Variants in ARSK observed in about 807,000 individuals in gnomAD.
ARSK encodes the protein arylsulfatase family member K.
ARSK carries 37 observed loss-of-function variants against 53.2 expected under a neutral mutation model. The observed-to-expected ratio is 0.70, with a 90% CI of 0.54 to 0.92. The LOEUF is 0.92. Ranked by LOEUF, ARSK falls within the 40% of genes least tolerant of loss-of-function variation. ARSK has a pLI of 0.00. For synonymous variants in ARSK, 208 were observed against 223.2 expected, an observed-to-expected ratio of 0.93 and a Z score of 0.61; for missense variants, 613 against 643.0, an observed-to-expected ratio of 0.95 and a Z score of 0.51.
chr5:95,559,764 A>AT (rs1748595019), intron 1 of ARSK, among the ~76,000 whole-genome samples: 3 of 152,210 alleles, frequency 2.0e-5, no homozygotes, highest in Non-Finnish European at 2.9e-5. Flanking sequence ...GAAAAAAAAA[A>AT]TCAGTTTTCT....
intron 2 of ARSK, among the ~76,000 whole-genome samples, chr5:95,566,956 T>C (rs1748735430): frequency 6.6e-6 from 1 of 152,226 alleles, no homozygotes; most frequent in Non-Finnish European, 1.5e-5. Flanking sequence ...TTGTAAATGA[T>C]ATTTCAATAA....
chr5:95,572,429 A>G (rs1748848162), intron 3 of ARSK, among the ~76,000 whole-genome samples: 1 of 152,192 alleles, frequency 6.6e-6, no homozygotes, highest in South Asian at 2.1e-4. Flanking sequence ...TTCACATTAT[A>G]TGTATTGTGT....
At chr5:95,585,773 T>C (rs929665356) in intron 4 of ARSK, among the ~76,000 whole-genome samples, 4 of 152,100 alleles carry the variant, frequency 2.6e-5, no homozygotes, top group East Asian at 3.8e-4. Flanking sequence ...AAAGAACTTA[T>C]TCATGCAACC....
rs184427789 is a variant in ARSK, at chr5:95,558,889, C to G, written c.126+3485C>G. On this transcript the variant is annotated intron_variant, in intron 1 of 7. Transcript: ENST00000380009. ...GGCGCGGTGGCTCACACCTGTAATC[C>G]CAGCACTTTGGGAGACCGAGGTGGG... is the stretch of plus-strand genomic sequence containing the variant. 9.2e-3 allele frequency among the ~76,000 whole-genome samples: 1,402 copies of G among 152,252 alleles called. 21 individuals carry two copies. Among genetic ancestry groups the G allele is most frequent in the African/African-American group, 0.032 (1,334 of 41,532 alleles).
chr5:95,601,197 G>A (rs932387761), intron 7 of ARSK, 126 bp downstream of exon 7: 38 of 956,526 alleles, frequency 4.0e-5, no homozygotes, highest in Middle Eastern at 3.2e-4. Flanking sequence ...ATGCTAGGAC[G>A]ATCTACAAAA....
chr5:95,589,016 A>C (rs1160783949), intron 5 of ARSK, among the ~76,000 whole-genome samples: 1 of 151,886 alleles, frequency 6.6e-6, no homozygotes, highest in Non-Finnish European at 1.5e-5. Context: ...TTCCCACCTC[A>C]AGGTCTTATA....
intron 6 of ARSK, among the ~76,000 whole-genome samples, chr5:95,597,914 G>GGC (rs1749341342): frequency 8.1e-6 from 1 of 124,084 alleles, no homozygotes; most frequent in South Asian, 2.8e-4. Context: ...AGTGGGGGGC[G>GGC]GGTAATAGTG....
intron 6 of ARSK, among the ~76,000 whole-genome samples, chr5:95,598,757 T>G (rs1436772087): frequency 6.6e-6 from 1 of 152,186 alleles, no homozygotes; most frequent in Non-Finnish European, 1.5e-5. Context: ...TCTTATAATT[T>G]TATCCCTCAC....
chr5:95,568,326 C>G lies in ARSK; in HGVS notation c.416+277C>G, dbSNP rs1231201678. Among the ~76,000 whole-genome samples, 4 of 152,084 alleles carry G rather than the reference C, an allele frequency of 2.6e-5. No individual in the cohort carries two copies. In the East Asian group the frequency reaches 7.7e-4, roughly 29 times the overall value. ...CCCACGCTTTATTTTCATTGAATTT[C>G]CTTTAATGGCTACTGTATTATTAAT... On this transcript the variant is annotated intron_variant, in intron 3 of 7. Transcript: ENST00000380009.
chr5:95,576,444 G>A lies in ARSK; in HGVS notation c.417-6472G>A, dbSNP rs561394691. Among the ~76,000 whole-genome samples, 253 of 151,530 alleles carry A rather than the reference G, an allele frequency of 1.7e-3. 2 individuals carry two copies. Among genetic ancestry groups the A allele is most frequent in the African/African-American group, 5.8e-3 (240 of 41,350 alleles). ...GATCTCCTGACCTCGTGATCCGCCC[G>A]CCTCGGCCTCCCAAATTGCTGGGAT... On this transcript the variant is annotated intron_variant, in intron 3 of 7. Coordinates refer to ENST00000380009, the MANE Select transcript of ARSK (RefSeq NM_198150.3).
intron 3 of ARSK, chr5:95,581,022 C>A: frequency 1.2e-6 from 1 of 815,832 alleles, no homozygotes; most frequent in Non-Finnish European, 1.7e-6. Flanking sequence ...TATAACTCTA[C>A]TTAAGTACCA....
chr5:95,599,127 C>T (rs1434136649), intron 6 of ARSK, among the ~76,000 whole-genome samples: 2 of 152,144 alleles, frequency 1.3e-5, no homozygotes, highest in Non-Finnish European at 2.9e-5. Flanking sequence ...AGTGTTGTTT[C>T]CCTACAGCTA....
At chr5:95,575,471 G>A (rs1269422312) in intron 3 of ARSK, among the ~76,000 whole-genome samples, 3 of 152,030 alleles carry the variant, frequency 2.0e-5, no homozygotes, top group African/African-American at 7.2e-5. Flanking sequence ...CAGTAGTATG[G>A]ACATTTTAAC....
chr5:95,583,366 A>G lies in ARSK; in HGVS notation c.699+168A>G, dbSNP rs1156966505. 2.6e-5 allele frequency among the ~76,000 whole-genome samples: 4 copies of G among 152,342 alleles called. No individual in the cohort carries two copies. The South Asian group carries it at 6.2e-4, about 24-fold the overall frequency. ...AAACTAAAGGGACAATTTTACAGAA[A>G]TAAGTGTTAAAAGTCAGAAGCCTGC... On this transcript the variant is annotated intron_variant, in intron 4 of 7. Coordinates refer to ENST00000380009, the MANE Select transcript of ARSK (RefSeq NM_198150.3).
In ARSK at chr5:95,604,743, C is replaced by T. The variant is rs1019940271; in HGVS notation, c.*1217C>T. 6.6e-6 allele frequency: 1 copy of T among 152,134 alleles called. No individual in the cohort carries two copies. The highest frequency in any genetic ancestry group is 1.5e-5 in the Non-Finnish European group (1 of 68,010). 9.4% of individuals were successfully genotyped at this position (152,134 alleles called of 1,614,324 possible). ...TTTTTATTTTTCTTTTTATGAGTAACGTAGAGCATATTTTCATGTATTTAA... is the reference window on the plus strand; with the variant it reads ...TTTTTATTTTTCTTTTTATGAGTAATGTAGAGCATATTTTCATGTATTTAA... On this transcript the variant is annotated 3_prime_UTR_variant, in exon 8 of 8. Coordinates refer to ENST00000380009, the MANE Select transcript of ARSK (RefSeq NM_198150.3).
intron 3 of ARSK, among the ~76,000 whole-genome samples, chr5:95,581,874 G>T (rs1045180913): frequency 7.9e-5 from 12 of 151,930 alleles, no homozygotes; most frequent in Admixed American, 3.9e-4. Flanking sequence ...TGAAATTATG[G>T]TTTTTTTATT....
At chr5:95,556,118 G>T in intron 1 of ARSK, 1 of 666,210 alleles carries the variant, frequency 1.5e-6, no homozygotes. Flanking sequence ...ATTATCACTC[G>T]GTGTTACTGT....
At chr5:95,584,405 G>A (rs1309916514) in intron 4 of ARSK, among the ~76,000 whole-genome samples, 2 of 152,138 alleles carry the variant, frequency 1.3e-5, no homozygotes, top group Non-Finnish European at 1.5e-5. Flanking sequence ...GAAGTCTACC[G>A]GGGTAATTTT....
chr5:95,580,108 T>C (rs1047588636), intron 3 of ARSK, among the ~76,000 whole-genome samples: 1 of 152,188 alleles, frequency 6.6e-6, no homozygotes, highest in Non-Finnish European at 1.5e-5. Flanking sequence ...TAAATTTATA[T>C]TGAGAACAGC....
Sources: allele counts gnomAD v4.1 joint callset (sites outside exome capture counted in the v4.1 genomes callset), GRCh38; gene constraint gnomAD v4.1.1; transcripts MANE v1.5; gene names NCBI Gene and HGNC (gene_info 2026-07-23, HGNC 2026-07-21).